SPATA13: variants seen among roughly 807,000 people sequenced by gnomAD.
The protein encoded by SPATA13 is spermatogenesis-associated protein 13.
SPATA13 carries 50 observed loss-of-function variants against 104.0 expected under a neutral mutation model. The observed-to-expected ratio is 0.48, with a 90% CI of 0.38 to 0.61. The LOEUF (loss-of-function observed/expected upper bound fraction) is 0.61. Ranked by LOEUF, SPATA13 falls within the 20% of genes least tolerant of loss-of-function variation. The pLI, the probability that SPATA13 is intolerant of heterozygous loss-of-function variation, is 0.00. For missense variants in SPATA13, 1,524 were observed against 1,690.6 expected, an observed-to-expected ratio of 0.90 and a Z score of 1.73; for synonymous variants, 606 against 667.5, an observed-to-expected ratio of 0.91 and a Z score of 1.42.
At chr13:24,217,282 C>T (rs1421863977) in intron 1 of SPATA13, among the ~76,000 whole-genome samples, 5 of 152,164 alleles carry the variant, frequency 3.3e-5, no homozygotes, top group Admixed American at 1.3e-4. Flanking sequence ...ATTGGTAGCA[C>T]ATTCATGGTT....
At chr13:24,215,263 C>T (rs1051321317) in intron 1 of SPATA13, among the ~76,000 whole-genome samples, 1 of 152,112 alleles carries the variant, frequency 6.6e-6, no homozygotes, top group African/African-American at 2.4e-5. Context: ...GGAGGGCTTG[C>T]AAGAAAACAA....
At position 24,223,673 on chromosome 13, in the gene SPATA13, C is replaced by G; in HGVS notation, c.744C>G (p.Gly248=). 2 of 1,552,208 alleles carry G rather than the reference C, an allele frequency of 1.3e-6. No homozygotes were observed. Among genetic ancestry groups the G allele is most frequent in the Non-Finnish European group, 1.7e-6 (2 of 1,147,118 alleles). ...GGGACCCTGAAAACAACAGCATGGG[C>G]TACAGGAGGAGCAAGAGCACGGACA... The part of the protein sequence containing the change: ...LVRDPENNSM[G]YRRSKSTDNL... The change falls in exon 2 of 13, where the codon GGC becomes GGG. Residue 248 remains glycine, a synonymous_variant. Transcript: ENST00000382108.
intron 3 of SPATA13, among the ~76,000 whole-genome samples, chr13:24,076,775 A>T (rs1169873116): frequency 6.6e-6 from 1 of 151,690 alleles, no homozygotes; most frequent in Non-Finnish European, 1.5e-5. Flanking sequence ...AAAGGAAGTT[A>T]CCCCCAGAAA....
At chr13:24,259,387 A>T (rs1266001576) in intron 4 of SPATA13, among the ~76,000 whole-genome samples, 2 of 152,238 alleles carry the variant, frequency 1.3e-5, no homozygotes, top group African/African-American at 4.8e-5. Flanking sequence ...ACTCTGGTAG[A>T]TGTTTTCTGC....
chr13:24,088,030 C>G lies in SPATA13; in HGVS notation c.-112+70329C>G, dbSNP rs1030000807. Among the ~76,000 whole-genome samples, 10 of 152,374 alleles carry G rather than the reference C, an allele frequency of 6.6e-5. No individual in the cohort carries two copies. The East Asian group carries it at 1.7e-3, about 26-fold the overall frequency. ...GTATTTAGTAACAATTTTATAATGTCTCAACAGCTGCTTTTTACCCTCTAA... is the reference window on the plus strand; with the variant it reads ...GTATTTAGTAACAATTTTATAATGTGTCAACAGCTGCTTTTTACCCTCTAA... On this transcript the variant is annotated intron_variant, in intron 3 of 14. Transcript: ENST00000424834. This position sits in a 1 kb window ranked among gnomAD's most constrained non-coding sequence, Gnocchi z 4.3.
intron 3 of SPATA13, among the ~76,000 whole-genome samples, chr13:24,052,011 C>T (rs1425095508): frequency 6.6e-6 from 1 of 152,180 alleles, no homozygotes; most frequent in Non-Finnish European, 1.5e-5. Context: ...GCTTCCTCTG[C>T]GTGCACTGAA....
intron 1 of SPATA13, among the ~76,000 whole-genome samples, chr13:24,163,821 C>T (rs151324168): frequency 1.1e-4 from 17 of 152,354 alleles, no homozygotes; most frequent in African/African-American, 3.8e-4. Flanking sequence ...GTTGACCTCT[C>T]TGTTTGCTGC....
intron 3 of SPATA13, among the ~76,000 whole-genome samples, chr13:24,116,807 C>T (rs935292731): frequency 5.5e-5 from 8 of 145,272 alleles, no homozygotes; most frequent in African/African-American, 2.0e-4. Context: ...GGAGAAAGGG[C>T]CTTTGGGAGG....
intron 3 of SPATA13, among the ~76,000 whole-genome samples, chr13:24,072,475 T>A (rs1342375212): frequency 2.6e-5 from 4 of 152,178 alleles, no homozygotes; most frequent in Admixed American, 2.6e-4. Context: ...ACATGGGCCA[T>A]CCTGTTCTAT....
At position 24,290,332 on chromosome 13, in the gene SPATA13, G is replaced by A. The variant is rs76500370; in HGVS notation, c.2848-320G>A. On this transcript the variant is annotated intron_variant, in intron 8 of 12. Transcript: ENST00000382108. ...TTGAAAAAATTTGTGGGAGGGGGACGTTAGAGGCCCTGCTCCCCACCTTCC... is the reference window on the plus strand; with the variant it reads ...TTGAAAAAATTTGTGGGAGGGGGACATTAGAGGCCCTGCTCCCCACCTTCC... Among the ~76,000 whole-genome samples the A allele has an allele frequency of 6.6e-3, 1,006 of 152,308 alleles. 15 individuals carry two copies. Among genetic ancestry groups the A allele is most frequent in the African/African-American group, 0.023 (955 of 41,572 alleles).
chr13:24,011,039 C>G lies in SPATA13; in HGVS notation c.-146-6628C>G, dbSNP rs1876449184. On this transcript the variant is annotated intron_variant, in intron 2 of 14. Transcript: ENST00000424834. This position sits in a 1 kb window ranked among gnomAD's most constrained non-coding sequence, Gnocchi z 4.3. ...TGTCTTTCCCTCTGCACCCATACTG[C>G]TGGGATATGCCTGCACTCTGCAGTT... Among the ~76,000 whole-genome samples, 1 of 152,168 alleles carries G rather than the reference C, an allele frequency of 6.6e-6. No individual in the cohort carries two copies. The highest frequency in any genetic ancestry group is 1.5e-5 in the Non-Finnish European group (1 of 68,034).
intron 4 of SPATA13, among the ~76,000 whole-genome samples, chr13:24,270,336 A>G (rs1046811222): frequency 2.0e-5 from 3 of 152,218 alleles, no homozygotes; most frequent in African/African-American, 7.2e-5. Flanking sequence ...GATTTCATAA[A>G]TTTATAGCTA....
chr13:24,084,351 A>G (rs1313149417), intron 3 of SPATA13, among the ~76,000 whole-genome samples: 1 of 152,188 alleles, frequency 6.6e-6, no homozygotes, highest in East Asian at 1.9e-4. Flanking sequence ...CCCGCGCATG[A>G]TGGAGATGCT....
intron 3 of SPATA13, among the ~76,000 whole-genome samples, chr13:24,137,979 T>C (rs555669098): frequency 7.9e-5 from 12 of 152,130 alleles, no homozygotes; most frequent in Non-Finnish European, 1.6e-4. Flanking sequence ...ATCTTTTGAA[T>C]CTGGTCAGTT....
intron 3 of SPATA13, among the ~76,000 whole-genome samples, chr13:24,105,247 A>C (rs902129613): frequency 1.3e-5 from 2 of 152,056 alleles, no homozygotes; most frequent in African/African-American, 4.8e-5. Context: ...CTCAGCCTCC[A>C]GAGTAGCTGG....
intron 3 of SPATA13, among the ~76,000 whole-genome samples, chr13:24,146,007 G>T (rs1881918394): frequency 6.6e-6 from 1 of 152,198 alleles, no homozygotes; most frequent in Admixed American, 6.5e-5. Flanking sequence ...GGTGAGGAGT[G>T]GCAGACACTT....
chr13:24,082,849 A>AAT (rs1555260313), intron 3 of SPATA13, among the ~76,000 whole-genome samples: 1 of 150,994 alleles, frequency 6.6e-6, no homozygotes, highest in Non-Finnish European at 1.5e-5. Flanking sequence ...AAAAAAAAAA[A>AAT]AAAAATAAGA....
intron 2 of SPATA13, among the ~76,000 whole-genome samples, chr13:24,245,515 G>A (rs1018786109): frequency 1.3e-5 from 2 of 151,308 alleles, no homozygotes; most frequent in African/African-American, 4.9e-5. Context: ...ACCTTTTAGA[G>A]GGAATGTTTT....
intron 1 of SPATA13, among the ~76,000 whole-genome samples, chr13:24,219,678 C>T (rs6490887): frequency 0.52 from 79,854 of 152,104 alleles, 21,785 homozygotes; most frequent in African/African-American, 0.67. Flanking sequence ...GCCTGAAGGC[C>T]TGTGGAAGCA....
Sources: gnomAD v4.1 joint callset for allele counts (sites outside exome capture counted in the v4.1 genomes callset) on GRCh38, gnomAD v4.1.1 for gene constraint, Gnocchi (gnomAD v3.1) non-coding constraint, MANE v1.5 for transcripts, NCBI Gene and HGNC (gene_info 2026-07-23, HGNC 2026-07-21) for gene names.